SV2C: variants seen among roughly 807,000 people sequenced by gnomAD.
SV2C encodes synaptic vesicle glycoprotein 2C.
A neutral mutation model predicts 79.7 loss-of-function variants in SV2C; 49 were observed. The observed-to-expected ratio is 0.61, with a 90% CI of 0.49 to 0.78. The LOEUF is 0.78. Ranked by LOEUF, SV2C falls within the 30% of genes least tolerant of loss-of-function variation. The pLI is 0.00. For synonymous variants in SV2C, 334 were observed against 333.2 expected (o/e 1.00, Z -0.03); for missense variants, 833 against 912.9 (o/e 0.91, Z 1.13).
At chr5:76,172,388 T>C (rs1381953172) in intron 2 of SV2C, among the ~76,000 whole-genome samples, 1 of 56,130 alleles carries the variant, frequency 1.8e-5, no homozygotes, top group African/African-American at 8.2e-5. Flanking sequence ...GGAGCCCCTC[T>C]GCCCGGCCAG....
At chr5:76,319,344 G>C (rs1748742661) in intron 12 of SV2C, among the ~76,000 whole-genome samples, 1 of 152,102 alleles carries the variant, frequency 6.6e-6, no homozygotes, top group African/African-American at 2.4e-5. Flanking sequence ...TCTGAGCCCA[G>C]GAAGTCGAGG....
intron 4 of SV2C, among the ~76,000 whole-genome samples, chr5:76,253,277 G>T (rs914308436): frequency 6.6e-6 from 1 of 152,042 alleles, no homozygotes; most frequent in Non-Finnish European, 1.5e-5. Flanking sequence ...GTTGATTTTT[G>T]TTTTTTTATG....
At chr5:75,881,044 A>T in the SV2C span, among the ~76,000 whole-genome samples, 2 of 152,090 alleles carry the variant, frequency 1.3e-5, no homozygotes, top group Non-Finnish European at 2.9e-5. Context: ...GAGGTGCCAC[A>T]CACTTTTAAA....
At chr5:75,984,536 CCTAT>C in the SV2C span, among the ~76,000 whole-genome samples, 2,925 of 145,074 alleles carry the variant, frequency 0.02, 34 homozygotes, top group Non-Finnish European at 0.024. Context: ...GATCTATCTG[CCTAT>C]CTATCTATCT....
At chr5:76,088,802 A>ATCTT (rs1747283381) in intron 1 of SV2C, among the ~76,000 whole-genome samples, 1 of 151,908 alleles carries the variant, frequency 6.6e-6, no homozygotes, top group African/African-American at 2.4e-5. Context: ...TTTTTTTTAA[A>ATCTT]AAAAAATGGG....
chr5:76,252,723 G>A (rs1035776158), intron 4 of SV2C, among the ~76,000 whole-genome samples: 3 of 152,238 alleles, frequency 2.0e-5, no homozygotes, highest in Middle Eastern at 3.4e-3. Flanking sequence ...CTAGTAGATC[G>A]TTAACAATTT....
At chr5:76,208,434 C>G (rs1744673543) in intron 3 of SV2C, among the ~76,000 whole-genome samples, 1 of 152,166 alleles carries the variant, frequency 6.6e-6, no homozygotes, top group South Asian at 2.1e-4. Flanking sequence ...TATGGCATCA[C>G]TTTAAACAGA....
the SV2C span, among the ~76,000 whole-genome samples, chr5:75,881,580 A>G: frequency 6.6e-6 from 1 of 152,050 alleles, no homozygotes. Context: ...GAGTTCACTC[A>G]TGATTTGGCT....
intron 4 of SV2C, among the ~76,000 whole-genome samples, chr5:76,229,227 C>T (rs530302847): frequency 2.0e-4 from 31 of 152,344 alleles, no homozygotes; most frequent in South Asian, 2.1e-4. Context: ...TGGTGCGGGA[C>T]GGCCATGTGG....
chr5:76,051,141 T>C, the SV2C span, among the ~76,000 whole-genome samples: 1 of 152,148 alleles, frequency 6.6e-6, no homozygotes, highest in Non-Finnish European at 1.5e-5. Flanking sequence ...TAATAGTCTG[T>C]GAGTAAAATA....
chr5:75,882,049 A>T, the SV2C span, among the ~76,000 whole-genome samples: 1 of 150,328 alleles, frequency 6.7e-6, no homozygotes, highest in Non-Finnish European at 1.5e-5. Context: ...GCATCTATTG[A>T]GATAATCATG....
At chr5:76,060,084 C>T in the SV2C span, among the ~76,000 whole-genome samples, 1 of 152,180 alleles carries the variant, frequency 6.6e-6, no homozygotes, top group African/African-American at 2.4e-5. Flanking sequence ...ACGCTGTAAA[C>T]AGATGTGCTG....
chr5:76,126,008 G>A (rs942088029), intron 1 of SV2C, among the ~76,000 whole-genome samples: 5 of 152,310 alleles, frequency 3.3e-5, no homozygotes, highest in African/African-American at 1.2e-4. Context: ...AGTGAGTCAT[G>A]ATCATGCCAC....
chr5:75,882,677 T>G, the SV2C span, among the ~76,000 whole-genome samples: 1 of 150,252 alleles, frequency 6.7e-6, no homozygotes, highest in South Asian at 2.1e-4. Flanking sequence ...TAAATGGTGC[T>G]GGGAAAACAG....
chr5:76,120,353 T>A (rs954201404), intron 1 of SV2C, among the ~76,000 whole-genome samples: 1 of 152,102 alleles, frequency 6.6e-6, no homozygotes, highest in East Asian at 1.9e-4. Flanking sequence ...TGTTCTTTTT[T>A]TCTTTTTCTC....
At chr5:75,867,218 G>A in the SV2C span, among the ~76,000 whole-genome samples, 1 of 152,170 alleles carries the variant, frequency 6.6e-6, no homozygotes, top group Non-Finnish European at 1.5e-5. Context: ...GGCCAATCAT[G>A]GATAGTTTGG....
At chr5:75,906,511 A>G in the SV2C span, among the ~76,000 whole-genome samples, 1 of 151,558 alleles carries the variant, frequency 6.6e-6, no homozygotes, top group Admixed American at 6.6e-5. Flanking sequence ...ATGGGTTTCT[A>G]GAAGAAAAAC....
chr5:76,230,373 G>A (rs1745376191), intron 4 of SV2C, among the ~76,000 whole-genome samples: 1 of 152,110 alleles, frequency 6.6e-6, no homozygotes, highest in African/African-American at 2.4e-5. Flanking sequence ...ACCATGATAT[G>A]GTCATGGGGA....
upstream of SV2C, among the ~76,000 whole-genome samples, chr5:76,081,533 A>G (rs6894457): frequency 0.11 from 16,951 of 152,066 alleles, 2,333 homozygotes; most frequent in African/African-American, 0.33. Flanking sequence ...TAACTATTTA[A>G]ATTATTTAAC....
Sources: gnomAD v4.1 joint callset for allele counts (sites outside exome capture counted in the v4.1 genomes callset) on GRCh38, gnomAD v4.1.1 for gene constraint, MANE v1.5 for transcripts, NCBI Gene and HGNC (gene_info 2026-07-23, HGNC 2026-07-21) for gene names.